TSPAN4: variants seen among roughly 807,000 people sequenced by gnomAD.
The protein encoded by TSPAN4 is tetraspanin-4.
A neutral mutation model predicts 31.5 loss-of-function variants in TSPAN4; 38 were observed. The ratio of observed to expected loss-of-function variants is 1.21; its 90% confidence interval spans 0.93 to 1.58. The LOEUF (loss-of-function observed/expected upper bound fraction) is 1.58. Ranked by LOEUF, TSPAN4 falls within the 40% of genes most tolerant of loss-of-function variation. TSPAN4 has a pLI of 0.00. For missense variants in TSPAN4, 330 were observed against 317.3 expected (o/e 1.04, Z -0.30); for synonymous variants, 186 against 144.6 (o/e 1.29, Z -2.06).
At position 848,305 on chromosome 11, in the gene TSPAN4, G is replaced by A. The variant is rs1847432406; in HGVS notation, c.-18+1005G>A. On this transcript the variant is annotated intron_variant, in intron 2 of 8. Coordinates refer to ENST00000397397, the MANE Select transcript of TSPAN4 (RefSeq NM_003271.5). This position sits in a 1 kb window ranked among gnomAD's most constrained non-coding sequence, Gnocchi z 5.7. The stretch of plus-strand genomic sequence containing the variant: ...CAGACCCACCAAAGAACCCCCAGGG[G>A]AAGGACAGGGTAGGGGCCATGGGAA... 6.6e-6 allele frequency among the ~76,000 whole-genome samples: 1 copy of A among 152,224 alleles called. No homozygotes were observed. Among genetic ancestry groups the A allele is most frequent in the African/African-American group, 2.4e-5 (1 of 41,468 alleles).
intron 3 of TSPAN4, among the ~76,000 whole-genome samples, chr11:850,672 G>A (rs967703262): frequency 1.3e-5 from 2 of 152,214 alleles, no homozygotes; most frequent in African/African-American, 4.8e-5. Context: ...CGTGCGCGCC[G>A]GACAGGGCCA....
In TSPAN4 at chr11:848,729, A is replaced by G. The variant is rs1847455966; in HGVS notation, c.-18+1429A>G. The G allele has an allele frequency of 3.8e-6, 2 of 521,740 alleles. No individual in the cohort carries two copies. Among genetic ancestry groups the G allele is most frequent in the Admixed American group, 3.6e-5 (1 of 27,430 alleles). 32.3% of individuals were successfully genotyped at this position (521,740 alleles called of 1,614,324 possible). On this transcript the variant is annotated intron_variant, in intron 2 of 8. Coordinates refer to ENST00000397397, the MANE Select transcript of TSPAN4 (RefSeq NM_003271.5). The surrounding 1 kb of genome is among the most constrained non-coding windows in gnomAD (Gnocchi z 5.7). ...ATTCCCCACCTCTGGGCTTCAGGTC[A>G]TCTGCCAGGAATCTGGGCCACGTGC...
Position 866,791 on chromosome 11 carries a change from C to G in TSPAN4, c.*161C>G. The G allele has an allele frequency of 1.2e-6, 1 of 800,184 alleles. No individual in the cohort carries two copies. The highest frequency in any genetic ancestry group is 1.9e-5 in the South Asian group (1 of 52,522). 49.6% of individuals were successfully genotyped at this position (800,184 alleles called of 1,614,324 possible). A position where few individuals can be genotyped will look rare whatever the true frequency, so the allele number is the denominator to read the frequency against. On this transcript the variant is annotated 3_prime_UTR_variant, in exon 9 of 9. Transcript: ENST00000397397. ...CCCCGGAACCCTGTTTCTGGAAGGC[C>G]CTAGCTCAGGTGGCTTCAGGGCCTC... is the stretch of plus-strand genomic sequence containing the variant.
At position 864,439 on chromosome 11, in the gene TSPAN4, C is replaced by A; in HGVS notation, c.258C>A (p.Phe86Leu). ...GTCTGAGCCTGCCCCCTCCACAGTT[C>A]TTCCTGCTGCTGCTGCTGGTGTTCC... is the stretch of plus-strand genomic sequence containing the variant. ...IKENKCLLLTFFLLLLLVFLL... is the reference protein window; with the variant it reads ...IKENKCLLLTLFLLLLLVFLL... Residue 86 changes from phenylalanine to leucine, a missense_variant and splice_region_variant, in exon 5 of 9, where the codon TTC becomes TTA. Phe to Leu is a conservative substitution (Grantham distance 22). Transcript: ENST00000397397. 6.2e-7 allele frequency: 1 copy of A among 1,612,478 alleles called. No individual in the cohort carries two copies. The highest frequency in any genetic ancestry group is 1.1e-5 in the South Asian group (1 of 91,090).
chr11:848,134 C>T lies in TSPAN4; in HGVS notation c.-18+834C>T, dbSNP rs936301177. ...AGTGTCTGCCCTCAGGTTGCACCTG[C>T]GTGGCCAGGGGAAGGGGGCCGGGCG... On this transcript the variant is annotated intron_variant, in intron 2 of 8. Transcript: ENST00000397397. This position sits in a 1 kb window ranked among gnomAD's most constrained non-coding sequence, Gnocchi z 5.7. 7.9e-5 allele frequency among the ~76,000 whole-genome samples: 12 copies of T among 152,320 alleles called. No homozygotes were observed. Among genetic ancestry groups the T allele is most frequent in the East Asian group, 1.9e-4 (1 of 5,176 alleles).
chr11:843,501 T>A (rs1847095079), intron 1 of TSPAN4: 1 of 152,204 alleles, frequency 6.6e-6, no homozygotes, highest in Non-Finnish European at 1.5e-5. Context: ...AGGGGATCCC[T>A]GGGCAGACTC....
At chr11:865,664 G>C (rs768652762) in intron 6 of TSPAN4, 30 bp from the exon 7 acceptor site, 2 of 1,612,506 alleles carry the variant, frequency 1.2e-6, no homozygotes, top group African/African-American at 2.7e-5. Context: ...CTCCCCTCCT[G>C]CCTCAGCCCG....
intron 3 of TSPAN4, among the ~76,000 whole-genome samples, chr11:854,634 G>A (rs933855507): frequency 2.6e-5 from 4 of 152,190 alleles, no homozygotes; most frequent in African/African-American, 9.7e-5. Flanking sequence ...GAGGTGTGGG[G>A]GCCCCTCAGC....
At chr11:862,878 G>A in intron 4 of TSPAN4, 137 bp downstream of exon 4, 1 of 957,808 alleles carries the variant, frequency 1.0e-6, no homozygotes, top group South Asian at 1.8e-5. Context: ...GGCTGGCAGT[G>A]TGGCCCGGGG....
At chr11:857,919 A>T (rs947928227) in intron 3 of TSPAN4, 6 of 152,198 alleles carry the variant, frequency 3.9e-5, no homozygotes, top group African/African-American at 1.4e-4. Flanking sequence ...GGTGATCTGG[A>T]CCCAGGGCCA....
At chr11:845,373 C>T (rs1847257612) in intron 1 of TSPAN4, among the ~76,000 whole-genome samples, 1 of 151,738 alleles carries the variant, frequency 6.6e-6, no homozygotes, top group South Asian at 2.1e-4. Context: ...AGCAGTGGGG[C>T]CTGTAGATGG....
At position 848,081 on chromosome 11, in the gene TSPAN4, A is replaced by G. The variant is rs967498084; in HGVS notation, c.-18+781A>G. ...CTGAGCGCTGCCCAGGTCACATGTG[A>G]GCTCCCTGGAGGCGCTGCACACGGC... On this transcript the variant is annotated intron_variant, in intron 2 of 8. Coordinates refer to ENST00000397397, the MANE Select transcript of TSPAN4 (RefSeq NM_003271.5). The surrounding 1 kb of genome is among the most constrained non-coding windows in gnomAD (Gnocchi z 5.7). 6.6e-6 allele frequency among the ~76,000 whole-genome samples: 1 copy of G among 152,080 alleles called. No homozygotes were observed. Among genetic ancestry groups the G allele is most frequent in the Non-Finnish European group, 1.5e-5 (1 of 68,008 alleles).
At chr11:864,743 G>T (rs568755296) in intron 5 of TSPAN4, 3 of 598,726 alleles carry the variant, frequency 5.0e-6, no homozygotes, top group Non-Finnish European at 8.9e-6. Flanking sequence ...CCCACCCGGA[G>T]GGTGCGCCCC....
intron 2 of TSPAN4, chr11:850,024 G>T (rs867827058): frequency 8.6e-5 from 13 of 151,416 alleles, no homozygotes; most frequent in Non-Finnish European, 1.5e-4. Flanking sequence ...GCACACCCGG[G>T]CGCGATGCGC....
rs759044365 is a variant in TSPAN4, at chr11:862,506, T to C, written c.64-44T>C. The C allele has an allele frequency of 4.6e-6, 7 of 1,532,502 alleles. No homozygotes were observed. In the East Asian group the frequency reaches 6.8e-5, roughly 15 times the overall value. The allele number at this position is 1,532,502 out of a possible 1,614,324, so 94.9% of individuals were successfully genotyped here. ...CTGCCCTGGGGTCCAGAGCTTGCATTGGGGCCTCACCCTGTCTGTGTCTCT... is the reference window on the plus strand; with the variant it reads ...CTGCCCTGGGGTCCAGAGCTTGCATCGGGGCCTCACCCTGTCTGTGTCTCT... On this transcript the variant is annotated intron_variant, in intron 3 of 8. Coordinates refer to ENST00000397397, the MANE Select transcript of TSPAN4 (RefSeq NM_003271.5).
intron 3 of TSPAN4, among the ~76,000 whole-genome samples, chr11:852,249 G>A (rs972816177): frequency 2.6e-5 from 4 of 152,072 alleles, no homozygotes; most frequent in Admixed American, 1.3e-4. Context: ...TCAGCTTCCC[G>A]AATTGCTGGG....
chr11:850,632 C>T (rs557098189), intron 3 of TSPAN4, among the ~76,000 whole-genome samples: 2 of 152,324 alleles, frequency 1.3e-5, no homozygotes, highest in African/African-American at 4.8e-5. Context: ...CTCTCCTCTC[C>T]TCACTTGATG....
rs540552997 is a variant in TSPAN4 at position 861,644 on chromosome 11, G to A, written c.64-906G>A. On this transcript the variant is annotated intron_variant, in intron 3 of 8. Transcript: ENST00000397397. The stretch of plus-strand genomic sequence containing the variant: ...GGAGAATGGCGTGAACCCGGGAGGC[G>A]GAGGTTGCAGTGAGCCGAGATCGCG... 3.1e-3 allele frequency among the ~76,000 whole-genome samples: 474 copies of A among 152,202 alleles called. 4 individuals carry two copies. The highest frequency in any genetic ancestry group is 0.011 in the African/African-American group (442 of 41,540).
chr11:864,841 T>G lies in TSPAN4; in HGVS notation c.330+330T>G, dbSNP rs542441466. The G allele has an allele frequency of 8.0e-4, 327 of 409,206 alleles. 5 individuals carry two copies. Among genetic ancestry groups the G allele is most frequent in the Non-Finnish European group, 3.5e-4 (77 of 221,730 alleles). The allele number at this position is 409,206 out of a possible 1,614,324, so 25.3% of individuals were successfully genotyped here. A position where few individuals can be genotyped will look rare whatever the true frequency, so the allele number is the denominator to read the frequency against. Reference sequence around the variant, plus strand: ...CCGCGCACCGTGGGGTTCTCCTCTGTAGAGCGGCCTCTTCTTGGTCACTCA... The same window carrying G: ...CCGCGCACCGTGGGGTTCTCCTCTGGAGAGCGGCCTCTTCTTGGTCACTCA... On this transcript the variant is annotated intron_variant, in intron 5 of 8. Transcript: ENST00000397397.
Sources: allele counts gnomAD v4.1 joint callset (sites outside exome capture counted in the v4.1 genomes callset), GRCh38; gene constraint gnomAD v4.1.1; non-coding constraint Gnocchi (gnomAD v3.1); transcripts MANE v1.5; gene names NCBI Gene and HGNC (gene_info 2026-07-23, HGNC 2026-07-21).